The following CDH13 variants were observed in gnomAD, a reference collection of about 807,000 sequenced individuals.
The protein encoded by CDH13 is cadherin-13.
Under a neutral mutation model 63.8 loss-of-function variants are expected in CDH13, and 24 were observed. The observed-to-expected ratio is 0.38, with a 90% CI of 0.27 to 0.53. The LOEUF is 0.53. Among genes scored for constraint, CDH13 ranks in the 20% least tolerant of loss-of-function variants. The pLI, the probability that CDH13 is intolerant of heterozygous loss-of-function variation, is 0.85. For synonymous variants in CDH13, 503 were observed against 355.3 expected (o/e 1.42, Z -4.67); for missense variants, 1,049 against 903.1 (o/e 1.16, Z -2.07).
chr16:82,903,696 G>T (rs1441605942), intron 2 of CDH13, among the ~76,000 whole-genome samples: 1 of 152,156 alleles, frequency 6.6e-6, no homozygotes, highest in Non-Finnish European at 1.5e-5. Flanking sequence ...TCCTTAGGGG[G>T]CTGTGCATAT....
intron 6 of CDH13, among the ~76,000 whole-genome samples, chr16:83,381,522 T>C (rs2091566728): frequency 6.6e-6 from 1 of 151,940 alleles, no homozygotes. Context: ...TCTCAAGTCT[T>C]GAACACATTA....
At chr16:83,794,079 A>C (rs911802269) in intron 13 of CDH13, among the ~76,000 whole-genome samples, 7 of 152,202 alleles carry the variant, frequency 4.6e-5, no homozygotes. Flanking sequence ...AGGCCAGGAA[A>C]GGCAAGGGAA....
chr16:83,279,850 T>TTG (rs746801616), intron 5 of CDH13, among the ~76,000 whole-genome samples: 26 of 151,868 alleles, frequency 1.7e-4, no homozygotes, highest in Admixed American at 8.5e-4. Context: ...TGATTTTTTT[T>TTG]TTTGCTTTTC....
intron 4 of CDH13, among the ~76,000 whole-genome samples, chr16:83,213,496 T>C (rs1019784628): frequency 6.6e-6 from 1 of 152,130 alleles, no homozygotes; most frequent in South Asian, 2.1e-4. Flanking sequence ...AAAAGATAAC[T>C]AACAGCCCGG....
chr16:83,159,815 C>G (rs1419663488), intron 4 of CDH13, among the ~76,000 whole-genome samples: 1 of 152,176 alleles, frequency 6.6e-6, no homozygotes, highest in East Asian at 1.9e-4. Context: ...TGGGTCATGT[C>G]TGTAATCCTA....
chr16:82,802,252 G>A (rs1021457696), intron 1 of CDH13, among the ~76,000 whole-genome samples: 1 of 152,004 alleles, frequency 6.6e-6, no homozygotes, highest in African/African-American at 2.4e-5. Context: ...AGAAGACGTG[G>A]AGATCGTGAG....
chr16:83,171,562 C>A (rs1258760973), intron 4 of CDH13: 1 of 1,533,862 alleles, frequency 6.5e-7, no homozygotes, highest in Non-Finnish European at 8.7e-7. Context: ...CGATGGCTGA[C>A]ATGAGATAAG....
chr16:82,974,121 T>C (rs1909165309), intron 2 of CDH13, among the ~76,000 whole-genome samples: 1 of 152,144 alleles, frequency 6.6e-6, no homozygotes, highest in African/African-American at 2.4e-5. Context: ...GTATTTTCAG[T>C]AGAGACAGGG....
At chr16:83,394,414 G>C (rs962308189) in intron 6 of CDH13, among the ~76,000 whole-genome samples, 1 of 152,118 alleles carries the variant, frequency 6.6e-6, no homozygotes, top group Admixed American at 6.5e-5. Flanking sequence ...GGTACAGCAG[G>C]CCAGACAGAG....
intron 2 of CDH13, among the ~76,000 whole-genome samples, chr16:82,906,571 C>T (rs1382218480): frequency 6.6e-6 from 1 of 152,178 alleles, no homozygotes; most frequent in Non-Finnish European, 1.5e-5. Context: ...TGAGGGGACT[C>T]ACCTGAAAAT....
intron 1 of CDH13, among the ~76,000 whole-genome samples, chr16:82,630,536 G>T (rs948450416): frequency 1.3e-5 from 2 of 152,154 alleles, no homozygotes; most frequent in African/African-American, 2.4e-5. Flanking sequence ...ACTTCCAGAA[G>T]TATCCTCTAT....
intron 7 of CDH13, among the ~76,000 whole-genome samples, chr16:83,574,835 C>G (rs1390691994): frequency 6.6e-6 from 1 of 152,094 alleles, no homozygotes; most frequent in African/African-American, 2.4e-5. Context: ...CTGCAATATC[C>G]ATGAACTCCA....
rs114124610 is a variant in CDH13 at position 83,240,191 on chromosome 16, G to T, written c.636+22694G>T. The stretch of plus-strand genomic sequence containing the variant: ...CCCTCATTTCTTTTTTCAGCAGGCC[G>T]TGACCCCTTCTTGGCAACCCTGGAA... On this transcript the variant is annotated intron_variant, in intron 5 of 13. Transcript: ENST00000567109. 5.0e-3 allele frequency among the ~76,000 whole-genome samples: 760 copies of T among 152,134 alleles called. 3 individuals are homozygous for T. The highest frequency in any genetic ancestry group is 0.018 in the African/African-American group (726 of 41,476).
At chr16:83,362,790 G>C (rs535614157) in intron 6 of CDH13, among the ~76,000 whole-genome samples, 29 of 152,088 alleles carry the variant, frequency 1.9e-4, no homozygotes, top group Non-Finnish European at 2.9e-5. Context: ...CTTATTCGGC[G>C]GTCTCTAACA....
chr16:83,416,656 C>A (rs531689630), intron 6 of CDH13, among the ~76,000 whole-genome samples: 27 of 152,288 alleles, frequency 1.8e-4, no homozygotes, highest in Admixed American at 1.4e-3. Context: ...GAATTTGCAT[C>A]TTTCTGTGAG....
At chr16:83,364,739 T>C (rs1449466395) in intron 6 of CDH13, among the ~76,000 whole-genome samples, 2 of 152,020 alleles carry the variant, frequency 1.3e-5, no homozygotes, top group Non-Finnish European at 2.9e-5. Flanking sequence ...ACAGAAACAA[T>C]GGGAAGAGAG....
chr16:83,751,676 G>T (rs898545296), intron 11 of CDH13, among the ~76,000 whole-genome samples: 1 of 152,166 alleles, frequency 6.6e-6, no homozygotes, highest in African/African-American at 2.4e-5. Flanking sequence ...CAGAGTCTGC[G>T]CAAGCATAAC....
chr16:82,647,048 G>A (rs1189497292), intron 1 of CDH13, among the ~76,000 whole-genome samples: 1 of 152,206 alleles, frequency 6.6e-6, no homozygotes, highest in Non-Finnish European at 1.5e-5. Context: ...CACCATGACA[G>A]TTAAGAGCCC....
intron 3 of CDH13, among the ~76,000 whole-genome samples, chr16:83,088,454 C>A (rs1231493610): frequency 6.6e-6 from 1 of 152,192 alleles, no homozygotes; most frequent in Non-Finnish European, 1.5e-5. Context: ...GCCCACCGAA[C>A]CACAGAACCA....
Sources: allele counts gnomAD v4.1 joint callset (sites outside exome capture counted in the v4.1 genomes callset), GRCh38; gene constraint gnomAD v4.1.1; transcripts MANE v1.5; gene names NCBI Gene and HGNC (gene_info 2026-07-23, HGNC 2026-07-21).